Variants in SUGCT observed in about 807,000 individuals in gnomAD.
The protein encoded by SUGCT is succinyl-CoA:glutarate CoA-transferase.
SUGCT carries 41 observed loss-of-function variants against 55.0 expected under a neutral mutation model. That is an observed-to-expected ratio of 0.74 (90% CI 0.58 to 0.97). The LOEUF (loss-of-function observed/expected upper bound fraction) is 0.97. SUGCT is among the 50% of genes least tolerant of loss of function. The pLI is 0.00. For missense variants in SUGCT, 568 were observed against 547.8 expected, an observed-to-expected ratio of 1.04 and a Z score of -0.37; for synonymous variants, 187 against 200.4, an observed-to-expected ratio of 0.93 and a Z score of 0.56.
the SUGCT span, among the ~76,000 whole-genome samples, chr7:41,015,304 G>A: frequency 1.3e-5 from 2 of 152,182 alleles, no homozygotes; most frequent in Admixed American, 1.3e-4. Context: ...ATATATATAT[G>A]TGTGTTATTT....
chr7:40,877,661 G>A, the SUGCT span, among the ~76,000 whole-genome samples: 3 of 152,150 alleles, frequency 2.0e-5, no homozygotes, highest in East Asian at 3.8e-4. Context: ...ATCTTAACCT[G>A]TATACACCAA....
At chr7:40,683,433 G>A (rs1473105929) in intron 12 of SUGCT, among the ~76,000 whole-genome samples, 1 of 152,036 alleles carries the variant, frequency 6.6e-6, no homozygotes, top group African/African-American at 2.4e-5. Flanking sequence ...TTTTATCTTG[G>A]GTGCTTATAA....
chr7:40,627,210 A>G (rs1235342542), intron 12 of SUGCT, among the ~76,000 whole-genome samples: 1 of 152,230 alleles, frequency 6.6e-6, no homozygotes, highest in Non-Finnish European at 1.5e-5. Context: ...CAAAGCAAGG[A>G]AAGAATGAAG....
intron 1 of SUGCT, among the ~76,000 whole-genome samples, chr7:40,162,593 C>T (rs1784231502): frequency 6.6e-6 from 1 of 152,208 alleles, no homozygotes; most frequent in Non-Finnish European, 1.5e-5. Flanking sequence ...CCTTCCACGT[C>T]AGCCTCCTGA....
the SUGCT span, among the ~76,000 whole-genome samples, chr7:40,910,293 A>C: frequency 6.6e-6 from 1 of 151,982 alleles, no homozygotes; most frequent in African/African-American, 2.4e-5. Flanking sequence ...GTTAGGTCAA[A>C]ATAGAAGAAA....
At chr7:40,241,386 C>T (rs1334700830) in intron 7 of SUGCT, among the ~76,000 whole-genome samples, 1 of 151,706 alleles carries the variant, frequency 6.6e-6, no homozygotes, top group Non-Finnish European at 1.5e-5. Flanking sequence ...CAAGACCAGC[C>T]TGGCCAACAT....
rs116252294 is a variant in SUGCT at position 40,267,390 on chromosome 7, A to T, written c.577-7123A>T. The stretch of plus-strand genomic sequence containing the variant: ...ATTTCTAGAGCTATAATTTAATAAA[A>T]TAAAATATTACTTGATGTTTAAAAG... On this transcript the variant is annotated intron_variant, in intron 7 of 13. Coordinates refer to ENST00000335693, the MANE Select transcript of SUGCT (RefSeq NM_001193313.2). Among the ~76,000 whole-genome samples, 722 of 152,362 alleles carry T rather than the reference A, an allele frequency of 4.7e-3. 7 individuals carry two copies. The highest frequency in any genetic ancestry group is 0.017 in the African/African-American group (689 of 41,586).
At chr7:40,684,037 C>T (rs1784362810) in intron 12 of SUGCT, 1 of 1,612,084 alleles carries the variant, frequency 6.2e-7, no homozygotes, top group South Asian at 1.1e-5. Flanking sequence ...TCTCTGTTTT[C>T]TTTGCTGGTT....
At chr7:40,629,008 C>T (rs1233260421) in intron 12 of SUGCT, among the ~76,000 whole-genome samples, 3 of 152,120 alleles carry the variant, frequency 2.0e-5, no homozygotes, top group Non-Finnish European at 4.4e-5. Flanking sequence ...TCAGCATCCT[C>T]GTTTTACAGC....
At chr7:40,626,032 G>A (rs1364342189) in intron 12 of SUGCT, among the ~76,000 whole-genome samples, 2 of 152,096 alleles carry the variant, frequency 1.3e-5, no homozygotes, top group African/African-American at 2.4e-5. Flanking sequence ...TTACCCAAAA[G>A]TCACAGCATT....
intron 13 of SUGCT, among the ~76,000 whole-genome samples, chr7:40,807,622 C>T (rs17770991): frequency 0.4 from 61,064 of 152,002 alleles, 13,034 homozygotes; most frequent in Middle Eastern, 0.57. Context: ...AACTTGGGGA[C>T]AGTCTGAGTT....
chr7:40,928,600 C>G, the SUGCT span, among the ~76,000 whole-genome samples: 1 of 143,092 alleles, frequency 7.0e-6, no homozygotes, highest in South Asian at 2.2e-4. Context: ...CAGTAAAACT[C>G]TAATTTTTTT....
At chr7:40,185,330 C>A (rs944736779) in intron 3 of SUGCT, among the ~76,000 whole-genome samples, 5 of 152,254 alleles carry the variant, frequency 3.3e-5, no homozygotes, top group South Asian at 4.1e-4. Context: ...TTTCTGTTGG[C>A]CACCAGGGTA....
the SUGCT span, among the ~76,000 whole-genome samples, chr7:41,025,226 A>C: frequency 1.3e-5 from 2 of 152,226 alleles, no homozygotes; most frequent in Admixed American, 1.3e-4. Context: ...ATGTGCAATA[A>C]TTTCTTTCTT....
At chr7:40,583,188 G>A (rs1474865927) in intron 12 of SUGCT, among the ~76,000 whole-genome samples, 1 of 152,080 alleles carries the variant, frequency 6.6e-6, no homozygotes, top group Non-Finnish European at 1.5e-5. Context: ...ATACTTTAAA[G>A]TATTTAAACT....
chr7:40,564,362 G>T (rs1796014130), intron 12 of SUGCT, among the ~76,000 whole-genome samples: 1 of 152,134 alleles, frequency 6.6e-6, no homozygotes, highest in African/African-American at 2.4e-5. Flanking sequence ...GGCGACCTGG[G>T]CGACAGAGCG....
intron 12 of SUGCT, among the ~76,000 whole-genome samples, chr7:40,748,306 G>A (rs1787836113): frequency 6.6e-6 from 1 of 151,978 alleles, no homozygotes; most frequent in Non-Finnish European, 1.5e-5. Flanking sequence ...AAAAGGGGGT[G>A]GGTTAGTTTG....
At chr7:40,812,355 C>T (rs1791465562) in intron 13 of SUGCT, among the ~76,000 whole-genome samples, 1 of 152,024 alleles carries the variant, frequency 6.6e-6, no homozygotes, top group Admixed American at 6.6e-5. Context: ...TGGTCTGGGG[C>T]TTTTTCTGAT....
intron 7 of SUGCT, among the ~76,000 whole-genome samples, chr7:40,273,375 A>AATTACCTC (rs1792235343): frequency 6.6e-6 from 1 of 150,760 alleles, no homozygotes; most frequent in Non-Finnish European, 1.5e-5. Context: ...CAGAAGCTAG[A>AATTACCTC]CTTAATAAGG....
Sources: gnomAD v4.1 joint callset for allele counts (sites outside exome capture counted in the v4.1 genomes callset) on GRCh38, gnomAD v4.1.1 for gene constraint, MANE v1.5 for transcripts, NCBI Gene and HGNC (gene_info 2026-07-23, HGNC 2026-07-21) for gene names.